The following NCAM2 variants were observed in gnomAD, a reference collection of about 807,000 sequenced individuals.
The protein encoded by NCAM2 is neural cell adhesion molecule 2, also known as N-CAM-2.
In NCAM2, 30 loss-of-function variants were observed where a neutral mutation model predicts 98.1. That is an observed-to-expected ratio of 0.31 (90% CI 0.23 to 0.41). NCAM2 has a LOEUF of 0.41. Among genes scored for constraint, NCAM2 ranks in the 10% least tolerant of loss-of-function variants. The pLI is 1.00. For synonymous variants in NCAM2, 368 were observed against 342.4 expected (o/e 1.07, Z -0.83); for missense variants, 867 against 1,005.8 (o/e 0.86, Z 1.87).
intron 1 of NCAM2, among the ~76,000 whole-genome samples, chr21:21,220,518 T>C (rs1188632249): frequency 3.3e-5 from 5 of 152,164 alleles, no homozygotes. Context: ...TGTCACATAA[T>C]GATAAAATTA....
chr21:21,079,975 A>C (rs1372609779), intron 1 of NCAM2, among the ~76,000 whole-genome samples: 1 of 152,224 alleles, frequency 6.6e-6, no homozygotes. Context: ...TTTTATTTAA[A>C]GATGCTACTA....
chr21:21,327,719 C>T (rs1031564297), intron 6 of NCAM2, among the ~76,000 whole-genome samples: 1 of 152,144 alleles, frequency 6.6e-6, no homozygotes, highest in Non-Finnish European at 1.5e-5. Context: ...CTCATTTAAA[C>T]TTAATGTCCT....
At chr21:21,349,043 A>G in intron 8 of NCAM2, among the ~76,000 whole-genome samples, 1 of 152,102 alleles carries the variant, frequency 6.6e-6, no homozygotes, top group Admixed American at 6.6e-5. Flanking sequence ...TTTTTGAGCA[A>G]TACCCCACAA....
intron 6 of NCAM2, among the ~76,000 whole-genome samples, chr21:21,324,848 C>A (rs925040406): frequency 3.3e-5 from 5 of 151,920 alleles, no homozygotes; most frequent in Non-Finnish European, 7.4e-5. Context: ...GTTATTGACA[C>A]CACTGTCATA....
chr21:21,192,469 C>T (rs2068856547), intron 1 of NCAM2, among the ~76,000 whole-genome samples: 1 of 152,046 alleles, frequency 6.6e-6, no homozygotes, highest in African/African-American at 2.4e-5. Flanking sequence ...GAAACATTGA[C>T]CAAGCCTGTT....
In NCAM2 at chr21:21,200,409, G is replaced by GAAAAAA. The variant is rs34019227; in HGVS notation, c.56-80158_56-80153dup. ...TTCCAAGTAAGACAACCCCATGCCT[G>GAAAAAA]AAAAAAAAAAAAAAAAGCCTTGAAA... On this transcript the variant is annotated intron_variant, in intron 1 of 17. Coordinates refer to ENST00000400546, the MANE Select transcript of NCAM2 (RefSeq NM_004540.5). 1.5e-5 allele frequency among the ~76,000 whole-genome samples: 2 copies of GAAAAAA among 134,868 alleles called. 1 individual carries two copies. Among genetic ancestry groups the GAAAAAA allele is most frequent in the Non-Finnish European group, 3.0e-5 (2 of 65,622 alleles). The allele number at this position is 134,868 out of a possible 152,430, so 88.5% of individuals were successfully genotyped here. A position where few individuals can be genotyped will look rare whatever the true frequency, so the allele number is the denominator to read the frequency against.
chr21:21,125,419 A>G (rs1466651107), intron 1 of NCAM2, among the ~76,000 whole-genome samples: 1 of 137,772 alleles, frequency 7.3e-6, no homozygotes, highest in Non-Finnish European at 1.5e-5. Flanking sequence ...TATTTTACAT[A>G]TATTCATACA....
At chr21:21,241,896 A>T (rs1282195630) in intron 1 of NCAM2, among the ~76,000 whole-genome samples, 1 of 152,172 alleles carries the variant, frequency 6.6e-6, no homozygotes, top group African/African-American at 2.4e-5. Flanking sequence ...GGAAGAAAAA[A>T]TATTGCTCAT....
rs1269305882 is a variant in NCAM2, at chr21:21,242,247, A to G, written c.56-38331A>G. Among the ~76,000 whole-genome samples, 3 of 2,518 alleles carry G rather than the reference A, an allele frequency of 1.2e-3. No individual in the cohort carries two copies. In the Non-Finnish European group the frequency reaches 0.1, roughly 84 times the overall value. The allele number at this position is 2,518 out of a possible 152,430, so 1.7% of individuals were successfully genotyped here. On this transcript the variant is annotated intron_variant, in intron 1 of 17. Coordinates refer to ENST00000400546, the MANE Select transcript of NCAM2 (RefSeq NM_004540.5). ...ACAAATAATTGTATATATTTATGTG[A>G]TACAACATGCTTTGATATATGTGTA... is the stretch of plus-strand genomic sequence containing the variant.
chr21:21,216,414 A>G lies in NCAM2; in HGVS notation c.56-64164A>G, dbSNP rs1473650685. On this transcript the variant is annotated intron_variant, in intron 1 of 17. Transcript: ENST00000400546. Reference sequence around the variant, plus strand: ...CTTGTGAGTTACAAACCAACTGAGAAATAGACATGGAGTTGGACAGATGGA... The same window carrying G: ...CTTGTGAGTTACAAACCAACTGAGAGATAGACATGGAGTTGGACAGATGGA... Among the ~76,000 whole-genome samples, 4 of 152,272 alleles carry G rather than the reference A, an allele frequency of 2.6e-5. No individual in the cohort carries two copies. In the East Asian group the frequency reaches 7.7e-4, roughly 29 times the overall value.
chr21:21,372,813 AT>A (rs2075949795), intron 8 of NCAM2, among the ~76,000 whole-genome samples: 1 of 151,840 alleles, frequency 6.6e-6, no homozygotes. Context: ...AAATGCAAAC[AT>A]TTTTACTAAT....
chr21:21,536,633 G>A (rs926833437), intron 17 of NCAM2, among the ~76,000 whole-genome samples: 2 of 151,862 alleles, frequency 1.3e-5, no homozygotes, highest in Non-Finnish European at 2.9e-5. Flanking sequence ...CATGTGATCC[G>A]CCCGCCTTGG....
chr21:21,446,561 C>A (rs540268013), intron 12 of NCAM2, among the ~76,000 whole-genome samples: 1 of 151,958 alleles, frequency 6.6e-6, no homozygotes, highest in Admixed American at 6.6e-5. Context: ...TGCAATCAGG[C>A]AAGAGAAAGA....
intron 9 of NCAM2, among the ~76,000 whole-genome samples, chr21:21,401,071 C>T (rs1018486951): frequency 6.6e-6 from 1 of 152,140 alleles, no homozygotes; most frequent in Non-Finnish European, 1.5e-5. Flanking sequence ...TTCTACTTGA[C>T]AGAGTTGGCA....
chr21:21,495,777 G>A (rs1233101581), intron 15 of NCAM2, among the ~76,000 whole-genome samples: 1 of 151,546 alleles, frequency 6.6e-6, no homozygotes, highest in Non-Finnish European at 1.5e-5. Context: ...ACGTCAAATG[G>A]GAACCTGATT....
intron 1 of NCAM2, among the ~76,000 whole-genome samples, chr21:21,265,225 TTA>T (rs568728074): frequency 9.2e-4 from 117 of 127,600 alleles, no homozygotes; most frequent in Middle Eastern, 0.013. Context: ...GTATATTATA[TTA>T]TATATATGCA....
At chr21:21,013,918 T>G (rs2064257529) in intron 1 of NCAM2, among the ~76,000 whole-genome samples, 1 of 152,248 alleles carries the variant, frequency 6.6e-6, no homozygotes, top group Admixed American at 6.5e-5. Context: ...GAAATTCTAG[T>G]TAACATAGTT....
chr21:21,150,977 A>AAT (rs869246718), intron 1 of NCAM2, among the ~76,000 whole-genome samples: 6 of 101,370 alleles, frequency 5.9e-5, no homozygotes, highest in African/African-American at 1.4e-4. Context: ...AGATTTTAAA[A>AAT]ATATATATAT....
intron 1 of NCAM2, among the ~76,000 whole-genome samples, chr21:21,074,943 C>T (rs940690839): frequency 2.0e-5 from 3 of 152,014 alleles, no homozygotes; most frequent in African/African-American, 7.3e-5. Flanking sequence ...AACCCAAATG[C>T]CCATCAGTGA....
Sources: allele counts gnomAD v4.1 joint callset (sites outside exome capture counted in the v4.1 genomes callset), GRCh38; gene constraint gnomAD v4.1.1; transcripts MANE v1.5; gene names NCBI Gene and HGNC (gene_info 2026-07-23, HGNC 2026-07-21).